Variants in KLC4 observed in about 807,000 individuals in gnomAD.
KLC4 encodes kinesin-like protein 8.
In KLC4, 49 loss-of-function variants were observed where a neutral mutation model predicts 77.2. That is an observed-to-expected ratio of 0.63 (90% CI 0.50 to 0.80). The LOEUF is 0.80. Ranked by LOEUF, KLC4 falls within the 30% of genes least tolerant of loss-of-function variation. The pLI, the probability that KLC4 is intolerant of heterozygous loss-of-function variation, is 0.00. For missense variants in KLC4, 669 were observed against 793.5 expected (o/e 0.84, Z 1.89); for synonymous variants, 274 against 314.5 (o/e 0.87, Z 1.36).
chr6:43,071,318 C>G lies in KLC4; in HGVS notation c.1199C>G (p.Thr400Arg), dbSNP rs779331095. Residue 400 changes from threonine (T) to arginine (R), a missense_variant, in exon 9 of 16, where the codon ACA becomes AGA. By Grantham distance (71) the Thr-to-Arg change is moderately conservative (BLOSUM62 -1). Transcript: ENST00000347162. ...LKQGKYAEAE[T>R]LYKEILTRAH... The stretch of plus-strand genomic sequence containing the variant: ...CAGGGCAAATATGCTGAGGCTGAGA[C>G]ACTATACAAAGAGATCCTGACCCGT... 1 of 1,613,912 alleles carries G rather than the reference C, an allele frequency of 6.2e-7. No homozygotes were observed. The highest frequency in any genetic ancestry group is 8.5e-7 in the Non-Finnish European group (1 of 1,179,936).
rs774849165 is a variant in KLC4, at chr6:43,065,730, A to G, written c.571+29A>G. The G allele has an allele frequency of 2.0e-6, 3 of 1,532,824 alleles. No homozygotes were observed. In the Admixed American group the frequency reaches 5.0e-5, roughly 26 times the overall value. 95.0% of individuals were successfully genotyped at this position (1,532,824 alleles called of 1,614,324 possible). On this transcript the variant is annotated intron_variant, in intron 4 of 15. Coordinates refer to ENST00000347162, the MANE Select transcript of KLC4 (RefSeq NM_201521.3). ...AGTCTGCCTCTGGAATGGGAGGGTG[A>G]AAAGGGGCAGCAGGAGGCTGGCCCT...
intron 6 of KLC4, among the ~76,000 whole-genome samples, chr6:43,068,429 G>A (rs1054013725): frequency 1.6e-4 from 25 of 151,826 alleles, no homozygotes; most frequent in African/African-American, 5.8e-4. Flanking sequence ...GTGAGATCGC[G>A]CCTCTACACT....
chr6:43,064,475 G>A (rs762567574), intron 3 of KLC4, among the ~76,000 whole-genome samples: 1 of 152,198 alleles, frequency 6.6e-6, no homozygotes, highest in South Asian at 2.1e-4. Flanking sequence ...AGTGAGCTGT[G>A]ATTATGCCAC....
At chr6:43,071,995 C>CT in intron 11 of KLC4, 73 bp downstream of exon 11, 1 of 1,480,500 alleles carries the variant, frequency 6.8e-7, no homozygotes. Context: ...CCTCCCAGAC[C>CT]TTTTCCCTTC....
chr6:43,068,545 C>T (rs1765569208), intron 6 of KLC4, among the ~76,000 whole-genome samples: 1 of 150,862 alleles, frequency 6.6e-6, no homozygotes, highest in Admixed American at 6.6e-5. Context: ...TGGTGGCTCA[C>T]GCCTGTAATC....
chr6:43,059,871 GC>G, intron 1 of KLC4, 186 bp downstream of exon 1: 3 of 1,195,704 alleles, frequency 2.5e-6, no homozygotes, highest in East Asian at 4.8e-5. Context: ...GACCTGCCCC[GC>G]CCCCTGCGCC....
chr6:43,071,412 G>A (rs775292142), intron 9 of KLC4, 38 bp downstream of exon 9: 3 of 1,577,184 alleles, frequency 1.9e-6, no homozygotes. Flanking sequence ...CTGTGGGGAA[G>A]AAAAGAAATT....
chr6:43,067,148 CTT>C, intron 6 of KLC4, 65 bp downstream of exon 6: 1 of 1,521,644 alleles, frequency 6.6e-7, no homozygotes, highest in Non-Finnish European at 8.9e-7. Flanking sequence ...TTTGGCCTCT[CTT>C]AGCTCATCCA....
intron 1 of KLC4, chr6:43,060,214 A>T (rs747992537): frequency 6.2e-7 from 1 of 1,614,120 alleles, no homozygotes; most frequent in Non-Finnish European, 8.5e-7. Flanking sequence ...AAAACCATGG[A>T]AGTGACTGGG....
rs752815266 is a variant in KLC4 at position 43,061,344 on chromosome 6, C to G, written c.9C>G (p.Gly3=). The change falls in exon 2 of 16, where the codon GGC becomes GGG. Residue 3 remains glycine, a synonymous_variant. Transcript: ENST00000347162. ...AGGTCCCCCAGGCCAGGATGTCAGG[C>G]CTGGTGTTGGGGCAGCGGGATGAGC... is the stretch of plus-strand genomic sequence containing the variant. MS[G]LVLGQRDEPA... is the part of the protein sequence containing the mutation. 6.2e-7 allele frequency: 1 copy of G among 1,613,526 alleles called. No individual in the cohort carries two copies. The highest frequency in any genetic ancestry group is 1.1e-5 in the South Asian group (1 of 91,070).
chr6:43,061,255 T>C lies in KLC4; in HGVS notation c.-25-56T>C. ...GATTCCCACCACTCTCTGAGAAAGT[T>C]GCTCAGCTTCTCTGTCTCATCTTTA... is the stretch of plus-strand genomic sequence containing the variant. On this transcript the variant is annotated intron_variant, in intron 1 of 15. Coordinates refer to ENST00000347162, the MANE Select transcript of KLC4 (RefSeq NM_201521.3). 3 of 1,538,646 alleles carry C rather than the reference T, an allele frequency of 1.9e-6. No homozygotes were observed. In the East Asian group the frequency reaches 6.8e-5, roughly 35 times the overall value.
At chr6:43,065,503 G>A in intron 3 of KLC4, 117 bp from the exon 4 acceptor site, 1 of 677,430 alleles carries the variant, frequency 1.5e-6, no homozygotes, top group East Asian at 2.6e-5. Flanking sequence ...GCAGAGACAG[G>A]AACAACAGTC....
intron 6 of KLC4, 23 bp downstream of exon 6, chr6:43,067,106 AC>A: frequency 1.0e-6 from 1 of 988,866 alleles, no homozygotes; most frequent in South Asian, 1.3e-5. Flanking sequence ...TGCCCTCCCC[AC>A]CCCACGCCCC....
intron 3 of KLC4, among the ~76,000 whole-genome samples, chr6:43,065,152 G>A (rs953573691): frequency 2.0e-5 from 3 of 151,690 alleles, no homozygotes; most frequent in East Asian, 3.9e-4. Flanking sequence ...TCGGCTCACC[G>A]CAACCTCTGC....
At chr6:43,067,305 TTTAA>T in intron 6 of KLC4, 1 of 1,077,804 alleles carries the variant, frequency 9.3e-7, no homozygotes, top group Non-Finnish European at 1.2e-6. Context: ...TTTGCTTGAA[TTTAA>T]TTAATAGATA....
rs767386602 is a variant in KLC4, at chr6:43,066,984, G to C, written c.792-12G>C. ...GTTCAGGGTAACTCCTGTCACTTTT[G>C]TCTTCTTCCAGTGACCAGAATAAGT... On this transcript the variant is annotated splice_polypyrimidine_tract_variant and intron_variant, in intron 5 of 15. Transcript: ENST00000347162. The C allele has an allele frequency of 1.2e-6, 2 of 1,608,222 alleles. No homozygotes were observed. The highest frequency in any genetic ancestry group is 2.2e-5 in the East Asian group (1 of 44,694).
rs1201294768 is a variant in KLC4, at chr6:43,070,414, G to A, written c.940G>A (p.Ala314Thr). The A allele has an allele frequency of 1.2e-6, 2 of 1,614,202 alleles. No individual in the cohort carries two copies. Among genetic ancestry groups the A allele is most frequent in the Non-Finnish European group, 1.7e-6 (2 of 1,180,008 alleles). The change falls in exon 7 of 16, where the codon GCA becomes ACA. Residue 314 changes from alanine to threonine, a missense_variant. By Grantham distance (58) the Ala-to-Thr change is moderately conservative (BLOSUM62 0). Coordinates refer to ENST00000347162, the MANE Select transcript of KLC4 (RefSeq NM_201521.3). ...LYGKRGKYKE[A>T]EPLCQRALEI... ...TGGCAAAAGGGGCAAGTACAAGGAG[G>A]CAGAGCCTCTGTGCCAGCGGGCACT...
chr6:43,073,119 G>T, intron 13 of KLC4, 104 bp from the exon 14 acceptor site: 1 of 1,316,230 alleles, frequency 7.6e-7, no homozygotes, highest in African/African-American at 1.5e-5. Context: ...CAGTCACTGG[G>T]CCTTGGGGGT....
chr6:43,065,065 C>CT (rs908857706), intron 3 of KLC4, among the ~76,000 whole-genome samples: 13 of 149,790 alleles, frequency 8.7e-5, no homozygotes, highest in South Asian at 6.4e-4. Flanking sequence ...AGAAAGGAAA[C>CT]TTTTTTTTTT....
Sources: allele counts gnomAD v4.1 joint callset (sites outside exome capture counted in the v4.1 genomes callset), GRCh38; gene constraint gnomAD v4.1.1; transcripts MANE v1.5; gene names NCBI Gene and HGNC (gene_info 2026-07-23, HGNC 2026-07-21).